Variants in COL5A2 observed in about 807,000 individuals in gnomAD.
COL5A2 encodes the protein collagen alpha-2(V) chain.
Under a neutral mutation model 208.2 loss-of-function variants are expected in COL5A2, and 23 were observed. The ratio of observed to expected loss-of-function variants is 0.11; its 90% CI spans 0.08 to 0.16. COL5A2 has a LOEUF of 0.16. Among genes scored for constraint, COL5A2 ranks in the 10% least tolerant of loss-of-function variants. The pLI is 1.00. For missense variants in COL5A2, 1,590 were observed against 1,956.4 expected (o/e 0.81, Z 3.53); for synonymous variants, 625 against 628.5 (o/e 0.99, Z 0.08).
At chr2:189,141,408 G>A (rs781479128) in intron 1 of COL5A2, among the ~76,000 whole-genome samples, 1 of 152,062 alleles carries the variant, frequency 6.6e-6, no homozygotes, top group Non-Finnish European at 1.5e-5. Flanking sequence ...TCACAGGGGC[G>A]AAATGATTTC....
chr2:189,268,751 CAATT>C, the COL5A2 span, among the ~76,000 whole-genome samples: 1 of 152,114 alleles, frequency 6.6e-6, no homozygotes, highest in African/African-American at 2.4e-5. Context: ...TATTTTGTAA[CAATT>C]AAACTCTTTA....
chr2:189,353,249 T>C, the COL5A2 span, among the ~76,000 whole-genome samples: 1 of 152,212 alleles, frequency 6.6e-6, no homozygotes, highest in Admixed American at 6.5e-5. Flanking sequence ...TTCTTTTTGC[T>C]TAGGAATGTC....
intron 48 of COL5A2, 23 bp downstream of exon 48, chr2:189,043,128 T>C: frequency 1.3e-6 from 2 of 1,558,346 alleles, no homozygotes; most frequent in Non-Finnish European, 1.8e-6. Flanking sequence ...CAGGGCAGAA[T>C]AATACTTAAA....
In COL5A2 at chr2:189,206,307, G is replaced by C. The variant is rs55825384; in HGVS notation, c.-42+18841C>G. On this transcript the variant is annotated intron_variant, in intron 1 of 10. Transcript: ENST00000649966. ...AGCGGGTAAATTCAACAAAGCAGTA[G>C]ATGTACAGCATCCCAGACCAAATTC... Among the ~76,000 whole-genome samples the C allele has an allele frequency of 4.6e-3, 702 of 152,256 alleles. 7 individuals are homozygous for C. Among genetic ancestry groups the C allele is most frequent in the Middle Eastern group, 0.027 (8 of 294 alleles).
intron 6 of COL5A2, among the ~76,000 whole-genome samples, chr2:189,095,606 T>G (rs1686892501): frequency 6.6e-6 from 1 of 151,992 alleles, no homozygotes; most frequent in Non-Finnish European, 1.5e-5. Flanking sequence ...CATCACAAAG[T>G]CAAATAGGGA....
chr2:189,151,774 G>A (rs1688146955), intron 1 of COL5A2, among the ~76,000 whole-genome samples: 1 of 151,996 alleles, frequency 6.6e-6, no homozygotes, highest in Non-Finnish European at 1.5e-5. Flanking sequence ...CTCTTCAACT[G>A]ACTGCACACA....
chr2:189,229,030 C>T (rs1038864851), upstream of COL5A2, among the ~76,000 whole-genome samples: 1 of 151,610 alleles, frequency 6.6e-6, no homozygotes, highest in Non-Finnish European at 1.5e-5. Flanking sequence ...ATGTGATTCA[C>T]CACATTAACA....
chr2:189,270,375 T>G, the COL5A2 span, among the ~76,000 whole-genome samples: 1 of 151,908 alleles, frequency 6.6e-6, no homozygotes, highest in South Asian at 2.1e-4. Context: ...GGCTATAAAT[T>G]ACCTTCTACA....
At chr2:189,226,478 T>G (rs1432229254), upstream of COL5A2, among the ~76,000 whole-genome samples, 1 of 152,126 alleles carries the variant, frequency 6.6e-6, no homozygotes, top group Non-Finnish European at 1.5e-5. Context: ...CTCACCATAG[T>G]CCTTCTGCCT....
intron 16 of COL5A2, 54 bp downstream of exon 16, chr2:189,078,462 A>G (rs997081712): frequency 4.9e-6 from 7 of 1,414,410 alleles, no homozygotes; most frequent in Non-Finnish European, 7.0e-6. Flanking sequence ...ACCAAATCTG[A>G]AAATGAATTG....
intron 1 of COL5A2, among the ~76,000 whole-genome samples, chr2:189,208,473 G>T (rs536931355): frequency 6.6e-6 from 1 of 152,142 alleles, no homozygotes; most frequent in South Asian, 2.1e-4. Flanking sequence ...GGCAGAAGAG[G>T]CAACAGATGC....
the COL5A2 span, among the ~76,000 whole-genome samples, chr2:189,282,012 C>T: frequency 5.3e-5 from 8 of 152,068 alleles, no homozygotes; most frequent in African/African-American, 1.4e-4. Flanking sequence ...GGCAAAACCC[C>T]GTCTCTACCA....
At chr2:189,379,481 C>T in the COL5A2 span, among the ~76,000 whole-genome samples, 2 of 152,006 alleles carry the variant, frequency 1.3e-5, no homozygotes, top group Non-Finnish European at 2.9e-5. Context: ...ATAAAACTGA[C>T]ATCTCATTAT....
At chr2:189,045,678 T>C in intron 46 of COL5A2, 122 bp downstream of exon 46, 1 of 798,896 alleles carries the variant, frequency 1.3e-6, no homozygotes, top group South Asian at 1.4e-5. Context: ...CTGTTTACCA[T>C]TCATTATTTA....
At chr2:189,062,713 C>G in intron 29 of COL5A2, 152 bp downstream of exon 29, 1 of 824,016 alleles carries the variant, frequency 1.2e-6, no homozygotes, top group Non-Finnish European at 2.0e-6. Context: ...TCACAGAAAT[C>G]AAAAGAGAAG....
the COL5A2 span, among the ~76,000 whole-genome samples, chr2:189,440,331 A>G: frequency 3.3e-5 from 5 of 152,370 alleles, no homozygotes; most frequent in Admixed American, 6.5e-5. Flanking sequence ...AATATCACAG[A>G]GTGTACCTAC....
the COL5A2 span, among the ~76,000 whole-genome samples, chr2:189,410,388 C>T: frequency 2.0e-5 from 3 of 151,834 alleles, no homozygotes; most frequent in Non-Finnish European, 4.4e-5. Context: ...TGACCAAGAC[C>T]CCCATCTCTA....
the COL5A2 span, among the ~76,000 whole-genome samples, chr2:189,248,922 A>C: frequency 6.6e-6 from 1 of 152,160 alleles, no homozygotes; most frequent in Non-Finnish European, 1.5e-5. Context: ...TTTTGTGGCT[A>C]TCTTAAGAGA....
chr2:189,137,180 T>C (rs998593880), intron 1 of COL5A2, among the ~76,000 whole-genome samples: 5 of 152,202 alleles, frequency 3.3e-5, no homozygotes, highest in African/African-American at 9.6e-5. Flanking sequence ...AATATAGCAA[T>C]AGAATGTGAT....
Sources: allele counts gnomAD v4.1 joint callset (sites outside exome capture counted in the v4.1 genomes callset), GRCh38; gene constraint gnomAD v4.1.1; transcripts MANE v1.5; gene names NCBI Gene and HGNC (gene_info 2026-07-23, HGNC 2026-07-21).